The following SPAG17 variants were observed in gnomAD, a reference collection of about 807,000 sequenced individuals.
SPAG17 encodes the protein sperm-associated antigen 17.
Under a neutral mutation model 273.6 loss-of-function variants are expected in SPAG17, and 169 were observed. That is an observed-to-expected ratio of 0.62 (90% confidence interval 0.55 to 0.70). The LOEUF (loss-of-function observed/expected upper bound fraction) is 0.70. SPAG17 is among the 30% of genes least tolerant of loss of function. The probability of loss-of-function intolerance (pLI) is 0.00; values close to 1 mark genes in which losing one functional copy is unlikely to be tolerated. For missense variants in SPAG17, 2,557 were observed against 2,627.8 expected (o/e 0.97, Z 0.59); for synonymous variants, 825 against 873.2 (o/e 0.94, Z 0.97).
intron 1 of SPAG17, among the ~76,000 whole-genome samples, chr1:118,162,385 A>G (rs1047181879): frequency 2.6e-5 from 4 of 152,180 alleles, no homozygotes; most frequent in Non-Finnish European, 5.9e-5. Flanking sequence ...TAGCAAAATA[A>G]TAATAATACT....
chr1:118,013,785 T>A (rs374641360), intron 29 of SPAG17, among the ~76,000 whole-genome samples: 1 of 152,180 alleles, frequency 6.6e-6, no homozygotes. Flanking sequence ...TAGAATAGGA[T>A]AATCATTCTT....
chr1:118,030,210 T>C (rs1220191635), intron 25 of SPAG17, among the ~76,000 whole-genome samples: 2 of 152,108 alleles, frequency 1.3e-5, no homozygotes, highest in Non-Finnish European at 2.9e-5. Flanking sequence ...ACTATGTAAA[T>C]GTGGTACAGA....
At chr1:118,058,444 C>T (rs987295576) in intron 18 of SPAG17, among the ~76,000 whole-genome samples, 7 of 152,134 alleles carry the variant, frequency 4.6e-5, no homozygotes, top group South Asian at 2.1e-4. Context: ...TGTTCTCAAG[C>T]GAGCCTCCTG....
At position 118,085,888 on chromosome 1, in the gene SPAG17, T is replaced by C. The variant is rs779988304; in HGVS notation, c.1762+34A>G. Reference sequence around the variant, plus strand: ...GAGGCATATATGACCATTAATTAAATTGAGTTTAAGCTAAGACAAAGCAAT... The same window carrying C: ...GAGGCATATATGACCATTAATTAAACTGAGTTTAAGCTAAGACAAAGCAAT... On this transcript the variant is annotated intron_variant, in intron 13 of 48. Coordinates refer to ENST00000336338, the MANE Select transcript of SPAG17 (RefSeq NM_206996.4). The C allele has an allele frequency of 5.9e-6, 9 of 1,538,022 alleles. 1 individual carries two copies. The highest frequency in any genetic ancestry group is 2.5e-5 in the South Asian group (2 of 78,996).
chr1:118,080,983 T>C (rs757877114), intron 15 of SPAG17, 118 bp downstream of exon 15: 59 of 810,898 alleles, frequency 7.3e-5, no homozygotes, highest in Non-Finnish European at 9.5e-5. Context: ...TAAGAAAGTT[T>C]AATTAACCAA....
chr1:117,961,007 C>T (rs980902638), intron 48 of SPAG17: 1 of 152,222 alleles, frequency 6.6e-6, no homozygotes, highest in Admixed American at 6.5e-5. Context: ...ATCTGGGCTG[C>T]GTGCAGTGGC....
In SPAG17 at chr1:118,152,913, C is replaced by T. The variant is rs539246470; in HGVS notation, c.88-1544G>A. Among the ~76,000 whole-genome samples the T allele has an allele frequency of 2.0e-5, 3 of 152,276 alleles. No homozygotes were observed. The South Asian group carries it at 6.2e-4, about 32-fold the overall frequency. On this transcript the variant is annotated intron_variant, in intron 1 of 48. Transcript: ENST00000336338. ...AAGGGGAAAAATCTCTTTCATTTCA[C>T]AATAAAGTACACACAGTTACAGTAC...
chr1:118,177,379 C>G (rs1416519993), intron 1 of SPAG17, among the ~76,000 whole-genome samples: 2 of 152,086 alleles, frequency 1.3e-5, no homozygotes, highest in African/African-American at 4.8e-5. Flanking sequence ...ATCACAAGAA[C>G]ACCATGGGGA....
chr1:118,094,816 T>C (rs1164028691), intron 7 of SPAG17, among the ~76,000 whole-genome samples: 1 of 152,162 alleles, frequency 6.6e-6, no homozygotes, highest in East Asian at 1.9e-4. Flanking sequence ...AACCATATCT[T>C]ACAGAAGCAT....
intron 25 of SPAG17, among the ~76,000 whole-genome samples, chr1:118,029,278 C>G (rs1406993919): frequency 6.6e-6 from 1 of 152,014 alleles, no homozygotes; most frequent in East Asian, 1.9e-4. Context: ...AGGCTCTTAC[C>G]AGACATAAAA....
chr1:118,098,409 G>T (rs1260199637), intron 6 of SPAG17, among the ~76,000 whole-genome samples: 1 of 151,804 alleles, frequency 6.6e-6, no homozygotes, highest in African/African-American at 2.4e-5. Context: ...TTAAAAATTT[G>T]CCCGAAATAT....
intron 3 of SPAG17, among the ~76,000 whole-genome samples, chr1:118,117,186 G>A (rs1657138349): frequency 6.6e-6 from 1 of 152,202 alleles, no homozygotes; most frequent in Non-Finnish European, 1.5e-5. Flanking sequence ...GCAGTCTAGT[G>A]TTTCCCTCTA....
At chr1:118,027,426 A>C (rs1647879988) in intron 26 of SPAG17, among the ~76,000 whole-genome samples, 1 of 152,170 alleles carries the variant, frequency 6.6e-6, no homozygotes, top group South Asian at 2.1e-4. Flanking sequence ...GGTATACATA[A>C]GGGAATTATA....
intron 29 of SPAG17, 86 bp from the exon 30 acceptor site, chr1:118,012,458 G>A (rs1401324343): frequency 3.5e-6 from 5 of 1,436,680 alleles, no homozygotes; most frequent in Non-Finnish European, 4.7e-6. Flanking sequence ...TACGAAGATG[G>A]CACCATCAAA....
At chr1:118,068,820 T>C (rs940694199) in intron 17 of SPAG17, among the ~76,000 whole-genome samples, 1 of 152,232 alleles carries the variant, frequency 6.6e-6, no homozygotes, top group Non-Finnish European at 1.5e-5. Flanking sequence ...GACCTTGCTA[T>C]GTTGCCCAGG....
chr1:117,995,177 C>A (rs555176064), intron 34 of SPAG17, among the ~76,000 whole-genome samples: 2 of 152,000 alleles, frequency 1.3e-5, no homozygotes, highest in Non-Finnish European at 2.9e-5. Flanking sequence ...CTTAATTAAC[C>A]ATTACCTACC....
At chr1:118,170,565 T>C (rs1660374830) in intron 1 of SPAG17, among the ~76,000 whole-genome samples, 1 of 152,154 alleles carries the variant, frequency 6.6e-6, no homozygotes, top group South Asian at 2.1e-4. Context: ...GTGTATTAGA[T>C]GCCATGTTTT....
rs773400270 is a variant in SPAG17, at chr1:118,055,930, G to C, written c.2541-16C>G. On this transcript the variant is annotated splice_polypyrimidine_tract_variant and intron_variant, in intron 18 of 48. Transcript: ENST00000336338. ...CAAATAATTCCTAAACAAACCAATA[G>C]CAGACGTCAATTGAGTTACTATGAA... 4 of 1,588,344 alleles carry C rather than the reference G, an allele frequency of 2.5e-6. No individual in the cohort carries two copies. In the Admixed American group the frequency reaches 7.1e-5, roughly 28 times the overall value.
At chr1:117,973,385 C>G (rs1233625285) in intron 44 of SPAG17, 40 bp downstream of exon 44, 1 of 1,593,938 alleles carries the variant, frequency 6.3e-7, no homozygotes, top group South Asian at 1.1e-5. Flanking sequence ...CCATCAAATG[C>G]TGATTGGCTG....
Sources: allele counts gnomAD v4.1 joint callset (sites outside exome capture counted in the v4.1 genomes callset), GRCh38; gene constraint gnomAD v4.1.1; transcripts MANE v1.5; gene names NCBI Gene and HGNC (gene_info 2026-07-23, HGNC 2026-07-21).